SAMMSON: variants seen among roughly 807,000 people sequenced by gnomAD.
The protein encoded by SAMMSON is long intergenic non-protein coding RNA 1212.
At chr3:70,038,019 A>G (rs953930597) in intron 3 of SAMMSON, among the ~76,000 whole-genome samples, 6 of 152,152 alleles carry the variant, frequency 3.9e-5, no homozygotes, top group African/African-American at 1.2e-4. Context: ...AGTCTAAATC[A>G]CTGGAGTGGC....
At chr3:70,005,634 G>GCA (rs2066923771) in intron 1 of SAMMSON, among the ~76,000 whole-genome samples, 1 of 152,130 alleles carries the variant, frequency 6.6e-6, no homozygotes, top group Non-Finnish European at 1.5e-5. Flanking sequence ...TTCAGAAAAA[G>GCA]GGGCAGAGCA....
chr3:70,291,751 G>C (rs1456083101), intron 7 of SAMMSON: 1 of 152,146 alleles, frequency 6.6e-6, no homozygotes, highest in Admixed American at 6.5e-5. Flanking sequence ...AGTTCAAGAT[G>C]ATATGTCTTT....
chr3:70,327,467 C>G, intron 7 of SAMMSON, among the ~76,000 whole-genome samples: 1 of 152,052 alleles, frequency 6.6e-6, no homozygotes, highest in East Asian at 1.9e-4. Context: ...GTGGAGGAGA[C>G]AGAACTCAGA....
At chr3:70,332,477 C>A (rs1461066144) in intron 7 of SAMMSON, among the ~76,000 whole-genome samples, 2 of 152,126 alleles carry the variant, frequency 1.3e-5, no homozygotes, top group Non-Finnish European at 2.9e-5. Flanking sequence ...CATCTCAGAA[C>A]CAGTGCCTCA....
At chr3:70,050,466 G>A (rs937657937) in intron 3 of SAMMSON, among the ~76,000 whole-genome samples, 1 of 152,122 alleles carries the variant, frequency 6.6e-6, no homozygotes, top group African/African-American at 2.4e-5. Context: ...TTCAAATGAT[G>A]TCTTTGTGAG....
intron 3 of SAMMSON, among the ~76,000 whole-genome samples, chr3:70,065,636 C>T (rs763575348): frequency 9.2e-5 from 14 of 152,132 alleles, no homozygotes; most frequent in South Asian, 4.1e-4. Flanking sequence ...CTCTGTGGGA[C>T]ATATGGTACC....
chr3:70,134,087 CAAAA>C (rs1157606808), intron 4 of SAMMSON, among the ~76,000 whole-genome samples: 3 of 60,574 alleles, frequency 5.0e-5, no homozygotes, highest in African/African-American at 1.7e-4. Flanking sequence ...ACTGAAAATA[CAAAA>C]AAAAAAAAAA....
intron 4 of SAMMSON, among the ~76,000 whole-genome samples, chr3:70,133,477 T>C (rs1033294512): frequency 3.9e-5 from 6 of 152,138 alleles, no homozygotes; most frequent in Admixed American, 3.9e-4. Context: ...TAAATGTAAG[T>C]AACATGTTTT....
intron 7 of SAMMSON, among the ~76,000 whole-genome samples, chr3:70,319,641 T>C (rs1481848395): frequency 1.3e-5 from 2 of 152,114 alleles, no homozygotes; most frequent in African/African-American, 4.8e-5. Flanking sequence ...TAGTTTTTAA[T>C]GTAAGTCTTT....
intron 8 of SAMMSON, among the ~76,000 whole-genome samples, chr3:70,354,547 T>C (rs971529550): frequency 6.6e-6 from 1 of 152,040 alleles, no homozygotes; most frequent in Non-Finnish European, 1.5e-5. Context: ...ATGACGAAAA[T>C]GGTGGTGGTG....
At chr3:70,187,832 C>T (rs1220152893) in intron 4 of SAMMSON, among the ~76,000 whole-genome samples, 2 of 151,938 alleles carry the variant, frequency 1.3e-5, no homozygotes, top group African/African-American at 4.8e-5. Context: ...GCTTTTTTTT[C>T]TGGGCAAAGG....
chr3:70,132,549 GT>G (rs1281154035), intron 4 of SAMMSON, among the ~76,000 whole-genome samples: 1 of 152,048 alleles, frequency 6.6e-6, no homozygotes, highest in African/African-American at 2.4e-5. Context: ...CAAGGTGCCT[GT>G]TTTTGGCTTC....
intron 3 of SAMMSON, chr3:70,013,823 G>A (rs896397560): frequency 6.6e-6 from 1 of 152,150 alleles, no homozygotes; most frequent in Admixed American, 6.5e-5. Context: ...ACTAGCTGAA[G>A]CAGAAAAGAC....
chr3:70,116,292 C>CTT (rs57252778), intron 4 of SAMMSON, among the ~76,000 whole-genome samples: 27,956 of 117,928 alleles, frequency 0.24, 3,553 homozygotes, highest in East Asian at 0.53. Context: ...GCGATGCTTT[C>CTT]TTTTTTTTTT....
At chr3:70,180,536 A>T (rs1270431619) in intron 4 of SAMMSON, among the ~76,000 whole-genome samples, 1 of 152,152 alleles carries the variant, frequency 6.6e-6, no homozygotes, top group Non-Finnish European at 1.5e-5. Flanking sequence ...TAAGAACTGA[A>T]ACCCTTTTAC....
intron 4 of SAMMSON, among the ~76,000 whole-genome samples, chr3:70,162,564 C>A (rs950594910): frequency 6.6e-5 from 10 of 151,678 alleles, no homozygotes; most frequent in African/African-American, 2.4e-4. Flanking sequence ...GTTTATCTGT[C>A]CTGGAGAATG....
intron 4 of SAMMSON, among the ~76,000 whole-genome samples, chr3:70,148,409 T>A (rs776821164): frequency 3.3e-5 from 5 of 152,152 alleles, no homozygotes; most frequent in African/African-American, 7.2e-5. Context: ...AATTACAGAA[T>A]TAAAAATCTT....
intron 2 of SAMMSON, among the ~76,000 whole-genome samples, chr3:70,413,061 T>C (rs1701234424): frequency 6.6e-6 from 1 of 152,038 alleles, no homozygotes; most frequent in South Asian, 2.1e-4. Context: ...TTAAAAGAAG[T>C]CTTAAAACCT....
chr3:70,125,072 T>G (rs1420343959), intron 4 of SAMMSON: 1 of 892,014 alleles, frequency 1.1e-6, no homozygotes, highest in Non-Finnish European at 1.8e-6. Context: ...TTTTTAACAC[T>G]TTCTTTTTCC....
Sources: allele counts gnomAD v4.1 joint callset (sites outside exome capture counted in the v4.1 genomes callset), GRCh38; gene constraint gnomAD v4.1.1; transcripts MANE v1.5; gene names NCBI Gene and HGNC (gene_info 2026-07-23, HGNC 2026-07-21).